The following BTC variants were observed in gnomAD, a reference collection of about 807,000 sequenced individuals.
The protein encoded by BTC is betacellulin.
Under a neutral mutation model 18.1 loss-of-function variants are expected in BTC, and 13 were observed. That is an observed-to-expected ratio of 0.72 (90% CI 0.47 to 1.14). The LOEUF (loss-of-function observed/expected upper bound fraction) is 1.14. Ranked by LOEUF, BTC falls within the 50% of genes most tolerant of loss-of-function variation. The pLI, the probability that BTC is intolerant of heterozygous loss-of-function variation, is 0.00. For missense variants in BTC, 247 were observed against 224.2 expected (o/e 1.10, Z -0.65); for synonymous variants, 83 against 79.4 (o/e 1.05, Z -0.24).
intron 2 of BTC, among the ~76,000 whole-genome samples, chr4:74,759,622 A>C (rs1553957084): frequency 1.3e-5 from 2 of 149,434 alleles, no homozygotes; most frequent in African/African-American, 4.9e-5. Context: ...AGTATAAATA[A>C]AGTATAAATA....
At chr4:74,783,562 G>A (rs7679204) in intron 1 of BTC, among the ~76,000 whole-genome samples, 146,363 of 148,048 alleles carry the variant, frequency 0.99, 72,370 homozygotes, top group Non-Finnish European at 1. Flanking sequence ...CTTTTTGTTT[G>A]GGAATGTGCT....
rs550170765 is a variant in BTC, at chr4:74,748,252, A to T, written c.429-103T>A. 1,367 of 708,842 alleles carry T rather than the reference A, an allele frequency of 1.9e-3. 10 individuals are homozygous for T. In the Middle Eastern group the frequency reaches 0.021, roughly 11 times the overall value. 43.9% of individuals were successfully genotyped at this position (708,842 alleles called of 1,614,324 possible). Reference sequence around the variant, plus strand: ...TGATCAGGTTTCTTTTTTTAAAAAAATATTTAGGGTTCTAGGCCGGGCGCA... The same window carrying T: ...TGATCAGGTTTCTTTTTTTAAAAAATTATTTAGGGTTCTAGGCCGGGCGCA... On this transcript the variant is annotated intron_variant, in intron 4 of 5. Transcript: ENST00000395743.
intron 1 of BTC, among the ~76,000 whole-genome samples, chr4:74,791,893 C>T (rs773697048): frequency 2.0e-5 from 3 of 151,894 alleles, no homozygotes; most frequent in Admixed American, 1.3e-4. Flanking sequence ...ACAGACATCT[C>T]GGAGTCATGA....
chr4:74,758,550 C>T (rs764134182), intron 2 of BTC, among the ~76,000 whole-genome samples: 1 of 152,074 alleles, frequency 6.6e-6, no homozygotes, highest in East Asian at 1.9e-4. Context: ...CAAAGCATAC[C>T]GGCCTTTAAA....
chr4:74,756,844 A>G (rs1162233362), intron 2 of BTC, among the ~76,000 whole-genome samples: 1 of 152,206 alleles, frequency 6.6e-6, no homozygotes, highest in Non-Finnish European at 1.5e-5. Flanking sequence ...TTGATTGCCT[A>G]ATTTTTCACC....
At chr4:74,793,964 C>A (rs1725700831) in intron 1 of BTC, among the ~76,000 whole-genome samples, 2 of 151,470 alleles carry the variant, frequency 1.3e-5, no homozygotes, top group African/African-American at 2.4e-5. Context: ...CTCTGCTGTG[C>A]GCACAAGTCA....
At chr4:74,767,217 C>G (rs912366665) in intron 2 of BTC, among the ~76,000 whole-genome samples, 5 of 151,166 alleles carry the variant, frequency 3.3e-5, no homozygotes, top group African/African-American at 1.2e-4. Flanking sequence ...ACTGTAAGAA[C>G]TAATTCACAA....
At chr4:74,763,648 G>T (rs899630595) in intron 2 of BTC, among the ~76,000 whole-genome samples, 1 of 152,034 alleles carries the variant, frequency 6.6e-6, no homozygotes, top group Admixed American at 6.6e-5. Context: ...ACATACAACA[G>T]TAGTGAGAAA....
Position 74,773,681 on chromosome 4 carries a change from G to A in BTC, c.65-3525C>T, listed in dbSNP as rs531906096. Among the ~76,000 whole-genome samples the A allele has an allele frequency of 5.9e-5, 9 of 151,414 alleles. No homozygotes were observed. The South Asian group carries it at 6.3e-4, about 11-fold the overall frequency. On this transcript the variant is annotated intron_variant, in intron 1 of 5. Transcript: ENST00000395743. ...GGATAGAGGGCAGTGGTGCAATCTC[G>A]GCTCATTGCTGCCTCCGCCTCCTGG...
At chr4:74,777,632 A>G (rs892499780) in intron 1 of BTC, among the ~76,000 whole-genome samples, 9 of 152,154 alleles carry the variant, frequency 5.9e-5, no homozygotes, top group African/African-American at 2.2e-4. Flanking sequence ...AGAAATTTGA[A>G]GTTAATATGC....
intron 1 of BTC, among the ~76,000 whole-genome samples, chr4:74,791,804 A>G (rs1725636133): frequency 1.3e-5 from 2 of 152,190 alleles, no homozygotes; most frequent in African/African-American, 4.8e-5. Flanking sequence ...AAAGAATGTG[A>G]CATGGAAAGG....
chr4:74,784,044 C>A (rs1389120495), intron 1 of BTC, among the ~76,000 whole-genome samples: 3 of 151,658 alleles, frequency 2.0e-5, no homozygotes, highest in Non-Finnish European at 4.4e-5. Flanking sequence ...ACGAGCCTGG[C>A]CAACATGATG....
intron 2 of BTC, among the ~76,000 whole-genome samples, chr4:74,764,070 C>G (rs28478898): frequency 0.23 from 35,010 of 151,688 alleles, 5,241 homozygotes; most frequent in African/African-American, 0.43. Flanking sequence ...GTCCCCAGAC[C>G]AAGTCTCAGA....
At chr4:74,766,509 T>C (rs958385442) in intron 2 of BTC, among the ~76,000 whole-genome samples, 1 of 152,010 alleles carries the variant, frequency 6.6e-6, no homozygotes. Flanking sequence ...GAAAATTGAA[T>C]AACGAAGAAG....
At chr4:74,786,515 G>A (rs567448037) in intron 1 of BTC, among the ~76,000 whole-genome samples, 1 of 152,258 alleles carries the variant, frequency 6.6e-6, no homozygotes, top group East Asian at 1.9e-4. Context: ...TATAGGAGCC[G>A]CCAAAAGTTT....
chr4:74,767,193 A>T (rs1183714992), intron 2 of BTC, among the ~76,000 whole-genome samples: 5 of 151,988 alleles, frequency 3.3e-5, no homozygotes, highest in African/African-American at 1.2e-4. Flanking sequence ...ACACACACAC[A>T]CACACACACA....
chr4:74,784,184 A>G (rs1056338361), intron 1 of BTC, among the ~76,000 whole-genome samples: 6 of 150,542 alleles, frequency 4.0e-5, no homozygotes, highest in African/African-American at 1.5e-4. Context: ...GTGAGCTGAG[A>G]TAGTGCCACT....
intron 2 of BTC, among the ~76,000 whole-genome samples, chr4:74,765,830 T>C (rs1207840836): frequency 6.6e-6 from 1 of 152,278 alleles, no homozygotes; most frequent in Non-Finnish European, 1.5e-5. Flanking sequence ...TGATATATAG[T>C]CAACCATCAC....
intron 1 of BTC, among the ~76,000 whole-genome samples, chr4:74,775,157 A>G (rs28517341): frequency 0.13 from 20,310 of 152,150 alleles, 1,864 homozygotes; most frequent in African/African-American, 0.25. Flanking sequence ...AGGGCAGTAG[A>G]TGAGGTATAG....
Sources: gnomAD v4.1 joint callset for allele counts (sites outside exome capture counted in the v4.1 genomes callset) on GRCh38, gnomAD v4.1.1 for gene constraint, MANE v1.5 for transcripts, NCBI Gene and HGNC (gene_info 2026-07-23, HGNC 2026-07-21) for gene names.